MCF2L: variants seen among roughly 807,000 people sequenced by gnomAD.
The protein encoded by MCF2L is MCF.2 cell line derived transforming sequence like.
Under a neutral mutation model 153.4 loss-of-function variants are expected in MCF2L, and 97 were observed. The ratio of observed to expected loss-of-function variants is 0.63; its 90% CI spans 0.54 to 0.75. The LOEUF is 0.75. Ranked by LOEUF, MCF2L falls within the 30% of genes least tolerant of loss-of-function variation. The pLI is 0.00. For synonymous variants in MCF2L, 659 were observed against 632.2 expected, an observed-to-expected ratio of 1.04 and a Z score of -0.64; for missense variants, 1,347 against 1,495.2, an observed-to-expected ratio of 0.90 and a Z score of 1.64.
intron 3 of MCF2L, chr13:113,044,788 G>A (rs755958634): frequency 6.2e-7 from 1 of 1,612,946 alleles, no homozygotes; most frequent in Admixed American, 1.7e-5. Flanking sequence ...GGAACCTTCA[G>A]AAGTCTTGGG....
At chr13:112,917,132 C>G (rs561414973) in intron 2 of MCF2L, 2 of 471,300 alleles carry the variant, frequency 4.2e-6, no homozygotes, top group South Asian at 3.1e-5. Flanking sequence ...CGATCTCAGT[C>G]CCCTGGCTTG....
At chr13:112,985,931 G>A (rs919271923) in intron 1 of MCF2L, among the ~76,000 whole-genome samples, 2 of 152,198 alleles carry the variant, frequency 1.3e-5, no homozygotes, top group Non-Finnish European at 1.5e-5. Flanking sequence ...CCGGCACACC[G>A]AAGCCCGGTT....
intron 2 of MCF2L, among the ~76,000 whole-genome samples, chr13:112,911,107 G>A (rs1225615092): frequency 1.3e-5 from 2 of 152,190 alleles, no homozygotes; most frequent in African/African-American, 4.8e-5. Flanking sequence ...AGCTGGTGTT[G>A]AACCCCCGCG....
intron 2 of MCF2L, among the ~76,000 whole-genome samples, chr13:112,948,842 G>A (rs373490665): frequency 2.4e-4 from 37 of 152,334 alleles, no homozygotes; most frequent in African/African-American, 8.9e-4. Flanking sequence ...AAGGTGGGTG[G>A]ATCACCTGAG....
rs777792984 is a variant in MCF2L, at chr13:113,077,115, G to A, written c.1564G>A (p.Ala522Thr). 2.3e-5 allele frequency: 37 copies of A among 1,612,694 alleles called. No individual in the cohort carries two copies. Among genetic ancestry groups the A allele is most frequent in the Admixed American group, 5.0e-5 (3 of 59,996 alleles). ...SMEEVFHRRQ[A>T]SLKKLAARQT... Reference sequence around the variant, plus strand: ...GGAGGAGGTGTTCCACCGCAGGCAGGCCAGCCTGAAGAAGCTGGCGGCCAG... The same window carrying A: ...GGAGGAGGTGTTCCACCGCAGGCAGACCAGCCTGAAGAAGCTGGCGGCCAG... The change falls in exon 13 of 30, where the codon GCC (alanine) becomes ACC (threonine). Residue 522 changes from alanine to threonine, a missense_variant. Transcript: ENST00000535094.
rs375145986 is a variant in MCF2L at position 113,022,801 on chromosome 13, T to C, written c.164-1843T>C. 5.3e-3 allele frequency among the ~76,000 whole-genome samples: 807 copies of C among 152,338 alleles called. 6 individuals carry two copies. The highest frequency in any genetic ancestry group is 7.7e-3 in the Non-Finnish European group (524 of 68,024). Reference sequence around the variant, plus strand: ...GCGGCGGCTGAGGGGAGGCTTGTCGTACTCGCACAGGAGGACACAGGGCTG... The same window carrying C: ...GCGGCGGCTGAGGGGAGGCTTGTCGCACTCGCACAGGAGGACACAGGGCTG... On this transcript the variant is annotated intron_variant, in intron 2 of 29. Coordinates refer to ENST00000535094, the MANE Select transcript of MCF2L (RefSeq NM_001112732.3).
Position 113,064,546 on chromosome 13 carries a change from A to C in MCF2L, c.606+126A>C. The stretch of plus-strand genomic sequence containing the variant: ...ACATTAACAGTCGTTTTCTTTCCCA[A>C]GAATGAGGAGATGGTCTCAGTGGAC... On this transcript the variant is annotated intron_variant, in intron 6 of 29. Coordinates refer to ENST00000535094, the MANE Select transcript of MCF2L (RefSeq NM_001112732.3). The surrounding 1 kb of genome is among the most constrained non-coding windows in gnomAD (Gnocchi z 6.0). The C allele has an allele frequency of 1.5e-6, 1 of 668,234 alleles. No homozygotes were observed. The allele number at this position is 668,234 out of a possible 1,614,324, so 41.4% of individuals were successfully genotyped here.
chr13:112,964,132 G>A (rs1158553813), intron 2 of MCF2L, among the ~76,000 whole-genome samples: 1 of 152,116 alleles, frequency 6.6e-6, no homozygotes, highest in Non-Finnish European at 1.5e-5. Context: ...GGCCCAGCTG[G>A]GGCTGTGCAT....
chr13:112,937,881 A>AGCGCTAATTGGTTGGTTG (rs2081532944), intron 2 of MCF2L, among the ~76,000 whole-genome samples: 1 of 151,262 alleles, frequency 6.6e-6, no homozygotes, highest in African/African-American at 2.4e-5. Context: ...GGTTCAGGTG[A>AGCGCTAATTGGTTGGTTG]GTTCTGATGT....
chr13:112,921,146 T>C (rs959026643), intron 2 of MCF2L, among the ~76,000 whole-genome samples: 1 of 151,974 alleles, frequency 6.6e-6, no homozygotes, highest in African/African-American at 2.4e-5. Flanking sequence ...CACTGCACTC[T>C]AGCCTGAGCG....
intron 18 of MCF2L, 55 bp downstream of exon 18, chr13:113,084,122 T>C (rs2034409737): frequency 7.4e-7 from 1 of 1,359,580 alleles, no homozygotes; most frequent in Non-Finnish European, 1.1e-6. Context: ...TACTGAATAA[T>C]GACTTCAGAT....
intron 2 of MCF2L, chr13:112,957,281 C>T (rs1415356887): frequency 3.3e-5 from 5 of 152,168 alleles, no homozygotes; most frequent in African/African-American, 1.2e-4. Context: ...TTCTGGGGCC[C>T]CTGGTTTCCT....
At chr13:113,077,372 C>T (rs1007392846) in intron 13 of MCF2L, among the ~76,000 whole-genome samples, 161 bp downstream of exon 13, 7 of 152,256 alleles carry the variant, frequency 4.6e-5, no homozygotes, top group Non-Finnish European at 7.3e-5. Context: ...AGGGCCGGTT[C>T]CCGCCACCCC....
upstream of MCF2L, chr13:112,968,650 C>T (rs1396935148): frequency 1.3e-6 from 2 of 1,520,976 alleles, no homozygotes; most frequent in Non-Finnish European, 1.8e-6. Context: ...TGCGGCCACA[C>T]GGAAGGGGCG....
At chr13:112,909,032 T>C (rs2081202228) in intron 2 of MCF2L, among the ~76,000 whole-genome samples, 1 of 152,192 alleles carries the variant, frequency 6.6e-6, no homozygotes, top group African/African-American at 2.4e-5. Flanking sequence ...CCCATGCTTA[T>C]GTTTATCCAT....
intron 15 of MCF2L, 92 bp downstream of exon 15, chr13:113,078,831 G>A (rs2033799418): frequency 2.7e-6 from 3 of 1,117,144 alleles, no homozygotes; most frequent in South Asian, 2.9e-5. Flanking sequence ...ATGCCTCACA[G>A]ATAGAAGGCT....
rs141264071 is a variant in MCF2L, at chr13:113,011,292, C to T, written c.80-3471C>T. Reference sequence around the variant, plus strand: ...GTTTCTGATCACACACAGGGGGATCCCTGCTTTTCATACCCAAAATGAGGC... The same window carrying T: ...GTTTCTGATCACACACAGGGGGATCTCTGCTTTTCATACCCAAAATGAGGC... On this transcript the variant is annotated intron_variant, in intron 1 of 29. Transcript: ENST00000535094. Among the ~76,000 whole-genome samples, 125 of 152,310 alleles carry T rather than the reference C, an allele frequency of 8.2e-4. 1 individual carries two copies. Among genetic ancestry groups the T allele is most frequent in the African/African-American group, 3.0e-3 (124 of 41,566 alleles).
chr13:113,090,134 G>T (rs909171462), intron 26 of MCF2L: 44 of 1,544,422 alleles, frequency 2.8e-5, no homozygotes, highest in Non-Finnish European at 3.7e-5. Flanking sequence ...ACCCTGCAGG[G>T]TTTTGCTAAC....
chr13:113,061,695 TCCCCTCCCCCTTGC>T (rs2031448266), intron 5 of MCF2L, among the ~76,000 whole-genome samples: 1 of 8,716 alleles, frequency 1.1e-4, no homozygotes, highest in African/African-American at 4.9e-4. Flanking sequence ...TCCCCTCCCC[TCCCCTCCCCCTTGC>T]CCTCCCCTCC....
Sources: gnomAD v4.1 joint callset for allele counts (sites outside exome capture counted in the v4.1 genomes callset) on GRCh38, gnomAD v4.1.1 for gene constraint, Gnocchi (gnomAD v3.1) non-coding constraint, MANE v1.5 for transcripts, NCBI Gene and HGNC (gene_info 2026-07-23, HGNC 2026-07-21) for gene names.